Variants in CDH2 observed in about 807,000 individuals in gnomAD.
CDH2 encodes cadherin 2, also known as cadherin-2.
CDH2 carries 17 observed loss-of-function variants against 92.0 expected under a neutral mutation model. That is an observed-to-expected ratio of 0.18 (90% CI 0.13 to 0.28). The LOEUF is 0.28. Among genes scored for constraint, CDH2 ranks in the 10% least tolerant of loss-of-function variants. CDH2 has a pLI of 1.00. For synonymous variants in CDH2, 419 were observed against 415.9 expected (o/e 1.01, Z -0.09); for missense variants, 862 against 1,133.1 (o/e 0.76, Z 3.44).
In CDH2 at chr18:27,935,255, G is replaced by C. The variant is rs532716205; in HGVS notation, c.1152-2131C>G. Among the ~76,000 whole-genome samples the C allele has an allele frequency of 5.3e-5, 8 of 152,306 alleles. No individual in the cohort carries two copies. The East Asian group carries it at 1.4e-3, about 26-fold the overall frequency. ...AGTTCTTCAGGCTGTAGAGGCTTCT[G>C]CTTCTGGGGAGGCCTCAGGAAACTT... On this transcript the variant is annotated intron_variant, in intron 6 of 6. Transcript: ENST00000675173.
In CDH2 at chr18:28,018,604, G is replaced by A. The variant is rs111246876; in HGVS notation, c.173-4695C>T. Among the ~76,000 whole-genome samples the A allele has an allele frequency of 2.8e-3, 423 of 151,848 alleles. 3 individuals carry two copies. The highest frequency in any genetic ancestry group is 9.8e-3 in the African/African-American group (407 of 41,460). On this transcript the variant is annotated intron_variant, in intron 2 of 15. Coordinates refer to ENST00000269141, the MANE Select transcript of CDH2 (RefSeq NM_001792.5). ...TCAACATCACTAATTATCAGGGAAAGGTAAGTCAAAACCACAATGTAATAC... is the reference window on the plus strand; with the variant it reads ...TCAACATCACTAATTATCAGGGAAAAGTAAGTCAAAACCACAATGTAATAC...
intron 2 of CDH2, among the ~76,000 whole-genome samples, chr18:28,033,198 G>C (rs1283327270): frequency 1.3e-5 from 2 of 152,064 alleles, no homozygotes; most frequent in African/African-American, 4.8e-5. Context: ...AATATGTAGA[G>C]AAAGGGTGGT....
chr18:27,971,421 A>C (rs1026210250), intron 14 of CDH2, among the ~76,000 whole-genome samples: 1 of 152,040 alleles, frequency 6.6e-6, no homozygotes, highest in African/African-American at 2.4e-5. Context: ...AATATAGAAA[A>C]TTTGTAATCA....
At position 27,993,348 on chromosome 18, in the gene CDH2, A is replaced by C. The variant is rs565771149; in HGVS notation, c.1158+152T>G. On this transcript the variant is annotated intron_variant, in intron 8 of 15. Transcript: ENST00000269141. Reference sequence around the variant, plus strand: ...ACAAATTACTTGGATGCCTCACGTAAGGCCCTGATGACAGAAATGTCCGAG... The same window carrying C: ...ACAAATTACTTGGATGCCTCACGTACGGCCCTGATGACAGAAATGTCCGAG... 1.2e-4 allele frequency: 86 copies of C among 700,462 alleles called. No individual in the cohort carries two copies. In the African/African-American group the frequency reaches 1.4e-3, roughly 12 times the overall value. 43.4% of individuals were successfully genotyped at this position (700,462 alleles called of 1,614,324 possible).
intron 2 of CDH2, among the ~76,000 whole-genome samples, chr18:28,064,282 TA>T (rs2014463730): frequency 6.6e-6 from 1 of 152,274 alleles, no homozygotes; most frequent in African/African-American, 2.4e-5. Flanking sequence ...ATTAACAGTT[TA>T]TTTTTTTAAG....
intron 14 of CDH2, among the ~76,000 whole-genome samples, chr18:27,964,786 C>CTATT (rs1187544700): frequency 1.3e-5 from 2 of 152,144 alleles, no homozygotes; most frequent in Non-Finnish European, 2.9e-5. Context: ...GGTCCCAGAT[C>CTATT]TATTAAGAAA....
chr18:27,995,988 T>A (rs1290130909), intron 7 of CDH2, among the ~76,000 whole-genome samples: 1 of 152,188 alleles, frequency 6.6e-6, no homozygotes, highest in Admixed American at 6.5e-5. Flanking sequence ...GACTGACATT[T>A]AGATTCCGTT....
chr18:28,141,735 C>T (rs2015957039), intron 2 of CDH2, among the ~76,000 whole-genome samples: 1 of 151,970 alleles, frequency 6.6e-6, no homozygotes, highest in Non-Finnish European at 1.5e-5. Context: ...TACTGAAAGC[C>T]TTCCAATAGA....
At chr18:28,175,245 C>T (rs963480052) in intron 1 of CDH2, among the ~76,000 whole-genome samples, 1 of 152,164 alleles carries the variant, frequency 6.6e-6, no homozygotes, top group Non-Finnish European at 1.5e-5. Flanking sequence ...CATCCACTCT[C>T]CAAAACTGCA....
chr18:28,142,599 T>A (rs1317679239), intron 2 of CDH2, among the ~76,000 whole-genome samples: 1 of 151,886 alleles, frequency 6.6e-6, no homozygotes, highest in East Asian at 1.9e-4. Flanking sequence ...TTTAAAAAAA[T>A]GTCCTCCGCC....
At chr18:28,024,104 G>A (rs562787977) in intron 2 of CDH2, among the ~76,000 whole-genome samples, 4 of 152,200 alleles carry the variant, frequency 2.6e-5, no homozygotes, top group South Asian at 2.1e-4. Context: ...AACTACTTAC[G>A]TCTAAGATGG....
chr18:28,109,284 A>G (rs992910339), intron 2 of CDH2, among the ~76,000 whole-genome samples: 1 of 152,222 alleles, frequency 6.6e-6, no homozygotes, highest in African/African-American at 2.4e-5. Context: ...GTTTAAAACA[A>G]ATGTTTAACA....
chr18:27,976,189 G>A (rs753629249), intron 14 of CDH2, among the ~76,000 whole-genome samples: 14 of 152,142 alleles, frequency 9.2e-5, no homozygotes, highest in Admixed American at 2.0e-4. Context: ...ACAAGGACCC[G>A]TCCCTGTCTG....
intron 2 of CDH2, among the ~76,000 whole-genome samples, chr18:28,116,024 T>C (rs1292962433): frequency 1.3e-5 from 2 of 152,184 alleles, no homozygotes; most frequent in African/African-American, 4.8e-5. Context: ...TTTTGGCTTC[T>C]GGTAAAATCT....
chr18:28,007,166 ATATAT>A lies in CDH2; in HGVS notation c.703-1178_703-1174del, dbSNP rs1201224921. On this transcript the variant is annotated intron_variant, in intron 5 of 15. Transcript: ENST00000269141. Reference sequence around the variant, plus strand: ...CAGAGTGAGACTCCATAAAAAAAAAATATATATATATATATATATATATATATACG... The same window carrying A: ...CAGAGTGAGACTCCATAAAAAAAAAAATATATATATATATATATATATACG... Among the ~76,000 whole-genome samples the A allele has an allele frequency of 1.5e-3, 125 of 80,760 alleles. 2 individuals are homozygous for A. Among genetic ancestry groups the A allele is most frequent in the African/African-American group, 4.7e-3 (115 of 24,262 alleles). The allele number at this position is 80,760 out of a possible 152,430, so 53.0% of individuals were successfully genotyped here.
At chr18:27,948,020 T>G (rs1374161707), downstream of CDH2, among the ~76,000 whole-genome samples, 2 of 147,128 alleles carry the variant, frequency 1.4e-5, no homozygotes, top group Non-Finnish European at 3.0e-5. Flanking sequence ...GGAAAACAGA[T>G]ATAAGTGATA....
intron 2 of CDH2, among the ~76,000 whole-genome samples, chr18:28,076,093 T>C (rs2014714261): frequency 6.6e-6 from 1 of 152,172 alleles, no homozygotes; most frequent in South Asian, 2.1e-4. Context: ...TGAGGTACCT[T>C]TCATAGACTC....
chr18:27,971,065 G>A (rs1000394420), intron 14 of CDH2, among the ~76,000 whole-genome samples: 4 of 152,098 alleles, frequency 2.6e-5, no homozygotes, highest in Non-Finnish European at 4.4e-5. Context: ...GTGAAACCCC[G>A]TCTCTACTAA....
chr18:27,998,091 C>T (rs1599021424), intron 7 of CDH2, among the ~76,000 whole-genome samples: 1 of 152,164 alleles, frequency 6.6e-6, no homozygotes, highest in African/African-American at 2.4e-5. Context: ...CAGGTGTGAG[C>T]CACCACTCCT....
Sources: allele counts gnomAD v4.1 joint callset (sites outside exome capture counted in the v4.1 genomes callset), GRCh38; gene constraint gnomAD v4.1.1; transcripts MANE v1.5; gene names NCBI Gene and HGNC (gene_info 2026-07-23, HGNC 2026-07-21).